Variants in C7 observed in about 807,000 individuals in gnomAD.
C7 encodes complement C7.
In C7, 83 loss-of-function variants were observed where a neutral mutation model predicts 104.8. The observed-to-expected ratio is 0.79, with a 90% CI of 0.66 to 0.95. The LOEUF is 0.95. Ranked by LOEUF, C7 falls within the 40% of genes least tolerant of loss-of-function variation. The pLI, the probability that C7 is intolerant of heterozygous loss-of-function variation, is 0.00. For synonymous variants in C7, 415 were observed against 360.6 expected (o/e 1.15, Z -1.71); for missense variants, 1,070 against 1,011.2 (o/e 1.06, Z -0.79).
chr5:40,971,412 T>G (rs1476305218), intron 14 of C7, among the ~76,000 whole-genome samples: 4 of 152,168 alleles, frequency 2.6e-5, no homozygotes, highest in South Asian at 4.1e-4. Flanking sequence ...TCATATCCTT[T>G]GCCCACTTTT....
intron 12 of C7, among the ~76,000 whole-genome samples, chr5:40,961,390 C>CACTAACTCTAATTACCTTCTTCT (rs1561254055): frequency 1.4e-5 from 2 of 147,148 alleles, no homozygotes; most frequent in East Asian, 4.0e-4. Flanking sequence ...TTACCTTCTT[C>CACTAACTCTAATTACCTTCTTCT]TTTTTTTTTT....
At chr5:40,931,712 G>A (rs10512750) in intron 3 of C7, among the ~76,000 whole-genome samples, 27,436 of 152,198 alleles carry the variant, frequency 0.18, 2,687 homozygotes, top group East Asian at 0.32. Context: ...TCACTGGAGA[G>A]AATACAGAAA....
chr5:40,912,341 G>C (rs886880195), intron 1 of C7, among the ~76,000 whole-genome samples: 3 of 152,120 alleles, frequency 2.0e-5, no homozygotes, highest in Non-Finnish European at 4.4e-5. Context: ...ATGATAAAAA[G>C]TATATTTCCT....
chr5:40,913,959 G>A (rs1739263530), intron 1 of C7, among the ~76,000 whole-genome samples: 1 of 152,136 alleles, frequency 6.6e-6, no homozygotes, highest in Non-Finnish European at 1.5e-5. Context: ...GATTACAGGC[G>A]TGAGTCACTG....
rs114507314 is a variant in C7, at chr5:40,964,365, G to A, written c.1750-376G>A. On this transcript the variant is annotated intron_variant, in intron 13 of 17. Transcript: ENST00000313164. ...GCCTGGTAATACCTTAATATGAAGA[G>A]TTGACTGACAAAGATGTTCTCCAAA... 3.6e-3 allele frequency: 661 copies of A among 183,474 alleles called. 3 individuals are homozygous for A. Among genetic ancestry groups the A allele is most frequent in the African/African-American group, 0.015 (633 of 41,608 alleles). 11.4% of individuals were successfully genotyped at this position (183,474 alleles called of 1,614,324 possible).
At chr5:40,948,015 G>T (rs1170028197) in intron 8 of C7, among the ~76,000 whole-genome samples, 170 bp downstream of exon 8, 2 of 152,054 alleles carry the variant, frequency 1.3e-5, no homozygotes, top group African/African-American at 2.4e-5. Context: ...AATCTTATAT[G>T]GTTTAAGAAA....
Position 40,971,083 on chromosome 5 carries a change from C to A in C7, c.1883-1320C>A, listed in dbSNP as rs897070267. Among the ~76,000 whole-genome samples the A allele has an allele frequency of 6.6e-5, 10 of 152,114 alleles. 1 individual carries two copies. The highest frequency in any genetic ancestry group is 2.4e-4 in the African/African-American group (10 of 41,424). ...GTCTTTACAGTAGAATGATTTATAACCCTTTGGGTATATACCCAGTAACGG... is the reference window on the plus strand; with the variant it reads ...GTCTTTACAGTAGAATGATTTATAAACCTTTGGGTATATACCCAGTAACGG... On this transcript the variant is annotated intron_variant, in intron 14 of 17. Coordinates refer to ENST00000313164, the MANE Select transcript of C7 (RefSeq NM_000587.4).
intron 14 of C7, among the ~76,000 whole-genome samples, chr5:40,968,557 T>TTA (rs1429502310): frequency 8.1e-5 from 9 of 110,974 alleles, no homozygotes; most frequent in South Asian, 3.3e-4. Flanking sequence ...CTTAAAACAA[T>TTA]TATATATATT....
chr5:40,962,528 C>CG (rs1740444671), intron 13 of C7, among the ~76,000 whole-genome samples: 1 of 150,162 alleles, frequency 6.7e-6, no homozygotes, highest in Non-Finnish European at 1.5e-5. Context: ...TTGCCACTGA[C>CG]TTTTTTTTTT....
At position 40,958,111 on chromosome 5, in the gene C7, G is replaced by A. The variant is rs772464175; in HGVS notation, c.1339G>A (p.Glu447Lys). 6.2e-7 allele frequency: 1 copy of A among 1,613,842 alleles called. No homozygotes were observed. Among genetic ancestry groups the A allele is most frequent in the South Asian group, 1.1e-5 (1 of 91,082 alleles). Reference sequence around the variant, plus strand: ...ACTATACCTGAAATGGGCTCTTGAAGAGTATCTGGATGAATTTGACCCCTG... The same window carrying A: ...ACTATACCTGAAATGGGCTCTTGAAAAGTATCTGGATGAATTTGACCCCTG... ...KKLYLKWALE[E>K]YLDEFDPCHC... The change falls in exon 11 of 18, where the codon GAG (glutamate) becomes AAG (lysine). Residue 447 changes from glutamate to lysine, a missense_variant. Coordinates refer to ENST00000313164, the MANE Select transcript of C7 (RefSeq NM_000587.4).
chr5:40,927,423 A>G (rs575101717), intron 1 of C7, among the ~76,000 whole-genome samples: 2 of 152,258 alleles, frequency 1.3e-5, no homozygotes. Context: ...AAGTTTCTGC[A>G]TGGCAAAGGA....
intron 14 of C7, among the ~76,000 whole-genome samples, chr5:40,971,091 G>A (rs1740689031): frequency 6.6e-6 from 1 of 152,082 alleles, no homozygotes; most frequent in South Asian, 2.1e-4. Flanking sequence ...AACCCTTTGG[G>A]TATATACCCA....
intron 15 of C7, among the ~76,000 whole-genome samples, chr5:40,974,164 A>G (rs960481866): frequency 1.3e-5 from 2 of 151,926 alleles, no homozygotes; most frequent in African/African-American, 4.8e-5. Context: ...ATTTTTTTTC[A>G]TCTTTCCAAA....
intron 1 of C7, among the ~76,000 whole-genome samples, chr5:40,910,006 A>C (rs12110232): frequency 0.042 from 5,496 of 130,378 alleles, 378 homozygotes; most frequent in African/African-American, 0.14. Flanking sequence ...TGTTTGGATT[A>C]GGAGCCATGC....
At position 40,965,591 on chromosome 5, in the gene C7, A is replaced by G. The variant is rs535992347; in HGVS notation, c.1882+718A>G. 8.6e-5 allele frequency among the ~76,000 whole-genome samples: 13 copies of G among 151,422 alleles called. No homozygotes were observed. In the South Asian group the frequency reaches 2.5e-3, roughly 29 times the overall value. ...CAAGCTTGCTTTTGTCCTTACTAACACTTGATAGCATCAGACACAGTGGTG... is the reference window on the plus strand; with the variant it reads ...CAAGCTTGCTTTTGTCCTTACTAACGCTTGATAGCATCAGACACAGTGGTG... On this transcript the variant is annotated intron_variant, in intron 14 of 17. Coordinates refer to ENST00000313164, the MANE Select transcript of C7 (RefSeq NM_000587.4).
chr5:40,916,790 C>A (rs1173027517), intron 1 of C7, among the ~76,000 whole-genome samples: 2 of 151,966 alleles, frequency 1.3e-5, no homozygotes, highest in African/African-American at 4.8e-5. Context: ...TTATTGTGCA[C>A]AACATGATGT....
At chr5:40,972,644 G>A (rs1579875627) in intron 15 of C7, 50 bp downstream of exon 15, 1 of 1,476,130 alleles carries the variant, frequency 6.8e-7, no homozygotes, top group Non-Finnish European at 9.2e-7. Flanking sequence ...AGGCAAGTGA[G>A]AGTCCTTGTG....
At position 40,962,198 on chromosome 5, in the gene C7, C is replaced by G. The variant is rs1284603022; in HGVS notation, c.1749+26C>G. 2 of 1,323,222 alleles carry G rather than the reference C, an allele frequency of 1.5e-6. 1 individual carries two copies. Among genetic ancestry groups the G allele is most frequent in the Non-Finnish European group, 2.1e-6 (2 of 952,924 alleles). 82.0% of individuals were successfully genotyped at this position (1,323,222 alleles called of 1,614,324 possible). On this transcript the variant is annotated intron_variant, in intron 13 of 17. Coordinates refer to ENST00000313164, the MANE Select transcript of C7 (RefSeq NM_000587.4). Reference sequence around the variant, plus strand: ...GTTGGTTATGAAAGATATTTTTTTCCTTTATAATGCTCTAACTTCTATCTC... The same window carrying G: ...GTTGGTTATGAAAGATATTTTTTTCGTTTATAATGCTCTAACTTCTATCTC...
chr5:40,972,106 A>G, intron 14 of C7: 1 of 514,484 alleles, frequency 1.9e-6, no homozygotes, highest in South Asian at 1.7e-5. Context: ...GTTTGGTTTC[A>G]ACAGTAGGCT....
Sources: gnomAD v4.1 joint callset for allele counts (sites outside exome capture counted in the v4.1 genomes callset) on GRCh38, gnomAD v4.1.1 for gene constraint, MANE v1.5 for transcripts, NCBI Gene and HGNC (gene_info 2026-07-23, HGNC 2026-07-21) for gene names.